C1orf185: variants seen among roughly 807,000 people sequenced by gnomAD.
C1orf185 encodes chromosome 1 open reading frame 185.
In C1orf185, 13 loss-of-function variants were observed where a neutral mutation model predicts 16.1. The ratio of observed to expected loss-of-function variants is 0.81; its 90% CI spans 0.53 to 1.28. The LOEUF (loss-of-function observed/expected upper bound fraction) is 1.28, where lower values mean the gene tolerates loss of function less well. Ranked by LOEUF, C1orf185 falls within the 50% of genes most tolerant of loss-of-function variation. The pLI, the probability that C1orf185 is intolerant of heterozygous loss-of-function variation, is 0.00. For missense variants in C1orf185, 220 were observed against 225.2 expected, an observed-to-expected ratio of 0.98 and a Z score of 0.15; for synonymous variants, 80 against 76.9, an observed-to-expected ratio of 1.04 and a Z score of -0.21.
chr1:51,120,424 C>T (rs764131608), intron 3 of C1orf185, among the ~76,000 whole-genome samples: 10 of 152,074 alleles, frequency 6.6e-5, no homozygotes, highest in Non-Finnish European at 8.8e-5. Context: ...ATTTCACCTC[C>T]GTAGAGTTGT....
intron 3 of C1orf185, among the ~76,000 whole-genome samples, chr1:51,131,020 A>G (rs536426841): frequency 6.6e-6 from 1 of 152,316 alleles, no homozygotes; most frequent in South Asian, 2.1e-4. Flanking sequence ...CTCCTGCCTC[A>G]GCCTCCCAAG....
chr1:51,142,542 A>T (rs1286188728), intron 3 of C1orf185, among the ~76,000 whole-genome samples: 1 of 152,124 alleles, frequency 6.6e-6, no homozygotes, highest in Non-Finnish European at 1.5e-5. Context: ...CAATGTGGAG[A>T]AGTTTTTAGC....
At chr1:51,145,846 G>A in intron 4 of C1orf185, 86 bp downstream of exon 4, 1 of 635,690 alleles carries the variant, frequency 1.6e-6, no homozygotes, top group Non-Finnish European at 2.4e-6. Flanking sequence ...TATCCTAAAT[G>A]TCATCTAAAT....
chr1:51,107,658 GAA>G (rs1340207755), intron 1 of C1orf185, among the ~76,000 whole-genome samples: 1 of 152,110 alleles, frequency 6.6e-6, no homozygotes, highest in Non-Finnish European at 1.5e-5. Context: ...TAAGTTTGAT[GAA>G]GTTTCAGTCA....
At chr1:51,129,400 A>C (rs2148022984) in intron 3 of C1orf185, among the ~76,000 whole-genome samples, 1 of 152,112 alleles carries the variant, frequency 6.6e-6, no homozygotes, top group South Asian at 2.1e-4. Context: ...TCATTTCCAG[A>C]ATGTTATATA....
chr1:51,106,034 T>C (rs1016392616), intron 1 of C1orf185, among the ~76,000 whole-genome samples: 6 of 152,178 alleles, frequency 3.9e-5, no homozygotes, highest in African/African-American at 9.7e-5. Flanking sequence ...AATGGTGTAC[T>C]AATCACACCT....
chr1:51,139,981 T>C (rs1328890776), intron 3 of C1orf185, among the ~76,000 whole-genome samples: 1 of 152,198 alleles, frequency 6.6e-6, no homozygotes, highest in Non-Finnish European at 1.5e-5. Context: ...AAAGCTTCTA[T>C]CTAGAAGTGG....
intron 3 of C1orf185, among the ~76,000 whole-genome samples, chr1:51,145,302 C>G (rs1158775259): frequency 7.1e-6 from 1 of 140,926 alleles, no homozygotes; most frequent in East Asian, 1.9e-4. Flanking sequence ...AAGACCCTGT[C>G]TCTAAAATAA....
At chr1:51,116,752 C>T (rs1465559157) in intron 2 of C1orf185, among the ~76,000 whole-genome samples, 1 of 152,140 alleles carries the variant, frequency 6.6e-6, no homozygotes, top group Non-Finnish European at 1.5e-5. Flanking sequence ...TTCCCTCCTG[C>T]TTTCTGTGTT....
intron 3 of C1orf185, among the ~76,000 whole-genome samples, chr1:51,138,211 AAT>A (rs1231867408): frequency 2.0e-5 from 3 of 152,174 alleles, no homozygotes; most frequent in Admixed American, 6.5e-5. Flanking sequence ...ACAAGTTAAA[AAT>A]ATATATATAT....
intron 2 of C1orf185, among the ~76,000 whole-genome samples, chr1:51,114,407 A>G (rs1272853886): frequency 1.3e-5 from 2 of 152,198 alleles, no homozygotes; most frequent in Non-Finnish European, 2.9e-5. Flanking sequence ...CATGAGGTAA[A>G]AGTAATATTA....
intron 3 of C1orf185, among the ~76,000 whole-genome samples, chr1:51,120,891 C>T (rs945940553): frequency 2.0e-5 from 3 of 152,110 alleles, no homozygotes; most frequent in African/African-American, 7.2e-5. Context: ...ATAATAGCCC[C>T]TGCTTTTATG....
chr1:51,139,353 T>C (rs927015014), intron 3 of C1orf185, among the ~76,000 whole-genome samples: 3 of 152,144 alleles, frequency 2.0e-5, no homozygotes, highest in Non-Finnish European at 4.4e-5. Flanking sequence ...CCCTCCCACC[T>C]TGGCCTCCCC....
At chr1:51,110,961 C>G (rs116100525) in intron 1 of C1orf185, among the ~76,000 whole-genome samples, 4,912 of 151,816 alleles carry the variant, frequency 0.032, 134 homozygotes, top group Non-Finnish European at 0.05. Context: ...AGAGCTCACT[C>G]AAAACAAAAA....
intron 1 of C1orf185, among the ~76,000 whole-genome samples, chr1:51,108,943 T>C (rs1013808397): frequency 2.6e-5 from 4 of 152,180 alleles, no homozygotes; most frequent in African/African-American, 9.7e-5. Flanking sequence ...TATGCAGAAG[T>C]GGAATTGCTG....
At chr1:51,119,020 G>A (rs1646178875) in intron 3 of C1orf185, among the ~76,000 whole-genome samples, 1 of 152,106 alleles carries the variant, frequency 6.6e-6, no homozygotes, top group Admixed American at 6.5e-5. Flanking sequence ...CCAACAACCT[G>A]CATTCCACAT....
chr1:51,151,532 A>T (rs1484572470), downstream of C1orf185, among the ~76,000 whole-genome samples: 1 of 152,140 alleles, frequency 6.6e-6, no homozygotes, highest in Non-Finnish European at 1.5e-5. Context: ...CCAGTGTCCA[A>T]CTGCCACAGT....
chr1:51,132,681 T>A (rs1646294246), intron 3 of C1orf185, among the ~76,000 whole-genome samples: 1 of 151,956 alleles, frequency 6.6e-6, no homozygotes, highest in African/African-American at 2.4e-5. Context: ...CAGGATACCA[T>A]CCATCTCTTT....
intron 1 of C1orf185, among the ~76,000 whole-genome samples, chr1:51,108,772 A>C (rs1313072800): frequency 6.6e-6 from 1 of 152,042 alleles, no homozygotes; most frequent in African/African-American, 2.4e-5. Flanking sequence ...ACTGAATAAT[A>C]CTCCATTGTG....
Sources: gnomAD v4.1 joint callset for allele counts (sites outside exome capture counted in the v4.1 genomes callset) on GRCh38, gnomAD v4.1.1 for gene constraint, MANE v1.5 for transcripts, NCBI Gene and HGNC (gene_info 2026-07-23, HGNC 2026-07-21) for gene names.